The following ZNF554 variants were observed in gnomAD, a reference collection of about 807,000 sequenced individuals.
ZNF554 encodes zinc finger protein 554.
In ZNF554, 15 loss-of-function variants were observed where a neutral mutation model predicts 21.2. The observed-to-expected ratio is 0.71, with a 90% CI of 0.47 to 1.09. ZNF554 has a LOEUF of 1.09. Among genes scored for constraint, ZNF554 ranks in the 50% least tolerant of loss-of-function variants. ZNF554 has a pLI of 0.00. For synonymous variants in ZNF554, 258 were observed against 251.4 expected (o/e 1.03, Z -0.25); for missense variants, 691 against 662.7 (o/e 1.04, Z -0.47).
intron 3 of ZNF554, among the ~76,000 whole-genome samples, chr19:2,829,637 C>CA (rs1363179286): frequency 6.6e-6 from 1 of 151,526 alleles, no homozygotes; most frequent in Non-Finnish European, 1.5e-5. Flanking sequence ...AACTCCCTGT[C>CA]AAAAAAATAA....
rs1395194414 is a variant in ZNF554, at chr19:2,821,629, C to T, written c.54-1411C>T. 6.6e-6 allele frequency among the ~76,000 whole-genome samples: 1 copy of T among 151,890 alleles called. No individual in the cohort carries two copies. Among genetic ancestry groups the T allele is most frequent in the Non-Finnish European group, 1.5e-5 (1 of 68,030 alleles). On this transcript the variant is annotated intron_variant, in intron 1 of 4. Coordinates refer to ENST00000317243, the MANE Select transcript of ZNF554 (RefSeq NM_001102651.2). The surrounding 1 kb of genome is among the most constrained non-coding windows in gnomAD (Gnocchi z 8.2). ...TCACTCCAAGCTCTGCCTGCATCATCATGTGGCCTTCTTCCCTGTGTCTCT... is the reference window on the plus strand; with the variant it reads ...TCACTCCAAGCTCTGCCTGCATCATTATGTGGCCTTCTTCCCTGTGTCTCT...
At position 2,836,316 on chromosome 19, in the gene ZNF554, C is replaced by CGTG. The variant is rs1366310923; in HGVS notation, c.*1464_*1465insGTG. On this transcript the variant is annotated 3_prime_UTR_variant, in exon 5 of 5. Transcript: ENST00000317243. Reference sequence around the variant, plus strand: ...TGCTGGGATTACAGGTGTGAGCCACCCTGCTGGGATTATGGGTGCGAGCCG... The same window carrying CGTG: ...TGCTGGGATTACAGGTGTGAGCCACCGTGCTGCTGGGATTATGGGTGCGAGCCG... Among the ~76,000 whole-genome samples, 2 of 151,416 alleles carry CGTG rather than the reference C, an allele frequency of 1.3e-5. No homozygotes were observed. The highest frequency in any genetic ancestry group is 4.9e-5 in the African/African-American group (2 of 41,172).
chr19:2,835,028 G>T lies in ZNF554; in HGVS notation c.*176G>T, dbSNP rs1270385356. The T allele has an allele frequency of 1.1e-5, 7 of 626,978 alleles. No homozygotes were observed. Among genetic ancestry groups the T allele is most frequent in the Non-Finnish European group, 1.9e-5 (7 of 372,700 alleles). 38.8% of individuals were successfully genotyped at this position (626,978 alleles called of 1,614,324 possible). A position where few individuals can be genotyped will look rare whatever the true frequency, so the allele number is the denominator to read the frequency against. The stretch of plus-strand genomic sequence containing the variant: ...TGTATTTTGTTGTTGTTGTTGAGAT[G>T]GAGTCTGCCACCCAGGCTGGAGTCC... On this transcript the variant is annotated 3_prime_UTR_variant, in exon 5 of 5. Coordinates refer to ENST00000317243, the MANE Select transcript of ZNF554 (RefSeq NM_001102651.2).
rs1045031919 is a variant in ZNF554 at position 2,834,875 on chromosome 19, C to T, written c.*23C>T. 6.5e-7 allele frequency: 1 copy of T among 1,546,722 alleles called. No homozygotes were observed. Among genetic ancestry groups the T allele is most frequent in the African/African-American group, 1.4e-5 (1 of 72,932 alleles). ...TAGCAATTGCACGCTGCTTTGTAAG[C>T]CACTTTTTAGTACTCTGACACATAC... On this transcript the variant is annotated 3_prime_UTR_variant, in exon 5 of 5. Coordinates refer to ENST00000317243, the MANE Select transcript of ZNF554 (RefSeq NM_001102651.2).
Position 2,834,662 on chromosome 19 carries a change from G to A in ZNF554, c.1427G>A (p.Arg476Lys). 7 of 1,614,038 alleles carry A rather than the reference G, an allele frequency of 4.3e-6. No homozygotes were observed. Among genetic ancestry groups the A allele is most frequent in the Non-Finnish European group, 5.9e-6 (7 of 1,179,974 alleles). The change falls in exon 5 of 5, where the codon AGG becomes AAG. Residue 476 changes from arginine to lysine, a missense_variant. Coordinates refer to ENST00000317243, the MANE Select transcript of ZNF554 (RefSeq NM_001102651.2). ...CAGTGTGGGAGAGCCTTCAGCCAGA[G>A]GTCTTCCCTTGTGAGGCACGAGAGA... is the stretch of plus-strand genomic sequence containing the variant. ...CKQCGRAFSQRSSLVRHERTH... is the reference protein window; with the variant it reads ...CKQCGRAFSQKSSLVRHERTH...
chr19:2,823,956 T>C (rs2087295764), intron 2 of ZNF554, among the ~76,000 whole-genome samples: 1 of 152,014 alleles, frequency 6.6e-6, no homozygotes, highest in South Asian at 2.1e-4. Flanking sequence ...GGCCTGAAGG[T>C]GGGGCCTTAC....
chr19:2,820,035 C>T lies in ZNF554; in HGVS notation c.-37C>T. 4 of 1,200,106 alleles carry T rather than the reference C, an allele frequency of 3.3e-6. No individual in the cohort carries two copies. Among genetic ancestry groups the T allele is most frequent in the Non-Finnish European group, 4.1e-6 (4 of 967,184 alleles). The allele number at this position is 1,200,106 out of a possible 1,614,324, so 74.3% of individuals were successfully genotyped here. On this transcript the variant is annotated 5_prime_UTR_variant, in exon 1 of 5. Transcript: ENST00000317243. ...GCCGGCCTGCACGGGGCGCTCCCGC[C>T]TCGGGGGCCCTGTCTGGCGCCTCAG...
At chr19:2,828,028 G>C (rs911692403) in intron 3 of ZNF554, among the ~76,000 whole-genome samples, 2 of 152,094 alleles carry the variant, frequency 1.3e-5, no homozygotes, top group African/African-American at 4.8e-5. Context: ...ATTACCACGA[G>C]AACAGTATGG....
At chr19:2,829,919 A>G (rs974792566) in intron 3 of ZNF554, among the ~76,000 whole-genome samples, 1 of 151,724 alleles carries the variant, frequency 6.6e-6, no homozygotes, top group African/African-American at 2.4e-5. Context: ...CCTACCCTGG[A>G]CATTTCTTTT....
Position 2,835,344 on chromosome 19 carries a change from C to T in ZNF554, c.*492C>T, listed in dbSNP as rs1038083001. The T allele has an allele frequency of 2.3e-4, 35 of 155,458 alleles. No individual in the cohort carries two copies. The highest frequency in any genetic ancestry group is 4.8e-4 in the African/African-American group (20 of 41,336). 9.6% of individuals were successfully genotyped at this position (155,458 alleles called of 1,614,324 possible). ...AAAAGTAGCCGGGCGTGGTGGTGGG[C>T]GCCTGTAGTCCCAACTACTCAGGAG... On this transcript the variant is annotated 3_prime_UTR_variant, in exon 5 of 5. Transcript: ENST00000317243.
chr19:2,834,202 C>G lies in ZNF554; in HGVS notation c.967C>G (p.Pro323Ala). ...CAACAAAATCAACACGGCAGAGAAA[C>G]CCTTTGAGTGCCACCAGTGTGGGAA... ...IHNKINTAEK[P>A]FECHQCGKVF... The change falls in exon 5 of 5, where the codon CCC becomes GCC. Residue 323 changes from proline (P) to alanine (A), a missense_variant. Coordinates refer to ENST00000317243, the MANE Select transcript of ZNF554 (RefSeq NM_001102651.2). 1 of 1,614,000 alleles carries G rather than the reference C, an allele frequency of 6.2e-7. No homozygotes were observed. The highest frequency in any genetic ancestry group is 8.5e-7 in the Non-Finnish European group (1 of 1,180,042).
chr19:2,831,821 G>A (rs2087424504), intron 3 of ZNF554: 1 of 152,064 alleles, frequency 6.6e-6, no homozygotes, highest in Non-Finnish European at 1.5e-5. Flanking sequence ...GTCTTGTCAT[G>A]TTGCTCAGGC....
intron 1 of ZNF554, among the ~76,000 whole-genome samples, chr19:2,820,342 A>G (rs577827883): frequency 6.6e-6 from 1 of 152,298 alleles, no homozygotes; most frequent in African/African-American, 2.4e-5. Flanking sequence ...AGAGACGCAT[A>G]AGCTTTCCGA....
rs1481209102 is a variant in ZNF554 at position 2,821,830 on chromosome 19, AT to A, written c.54-1205del. Among the ~76,000 whole-genome samples the A allele has an allele frequency of 1.3e-5, 2 of 150,252 alleles. No homozygotes were observed. Among genetic ancestry groups the A allele is most frequent in the Non-Finnish European group, 3.0e-5 (2 of 67,490 alleles). ...AGGTGCACGCCACCACACCCAGCTA[AT>A]TTTTGTATTTTTAGTAGAGACGGGG... On this transcript the variant is annotated intron_variant, in intron 1 of 4. Coordinates refer to ENST00000317243, the MANE Select transcript of ZNF554 (RefSeq NM_001102651.2). The surrounding 1 kb of genome is among the most constrained non-coding windows in gnomAD (Gnocchi z 8.2).
In ZNF554 at chr19:2,825,076, G is replaced by A. The variant is rs573148622; in HGVS notation, c.126+1964G>A. ...TGCACAGGTTGGAGTGCAGTGGCGCGATCTTGGCTCACTGCAACCTCTGCC... is the reference window on the plus strand; with the variant it reads ...TGCACAGGTTGGAGTGCAGTGGCGCAATCTTGGCTCACTGCAACCTCTGCC... On this transcript the variant is annotated intron_variant, in intron 2 of 4. Coordinates refer to ENST00000317243, the MANE Select transcript of ZNF554 (RefSeq NM_001102651.2). Among the ~76,000 whole-genome samples, 162 of 142,774 alleles carry A rather than the reference G, an allele frequency of 1.1e-3. 1 individual carries two copies. Among genetic ancestry groups the A allele is most frequent in the African/African-American group, 2.5e-3 (98 of 38,730 alleles). The allele number at this position is 142,774 out of a possible 152,430, so 93.7% of individuals were successfully genotyped here.
At chr19:2,820,163 G>A (rs2087243383) in intron 1 of ZNF554, 39 bp downstream of exon 1, 8 of 1,217,000 alleles carry the variant, frequency 6.6e-6, no homozygotes, top group Non-Finnish European at 8.2e-6. Context: ...CCTCCGTGCC[G>A]GGCCTGCCGG....
rs1022500512 is a variant in ZNF554 at position 2,834,120 on chromosome 19, G to A, written c.885G>A (p.Met295Ile). 6.2e-7 allele frequency: 1 copy of A among 1,614,090 alleles called. No individual in the cohort carries two copies. The highest frequency in any genetic ancestry group is 8.5e-7 in the Non-Finnish European group (1 of 1,180,044). Residue 295 changes from methionine (M) to isoleucine (I), a missense_variant, in exon 5 of 5, where the codon ATG (methionine) becomes ATA (isoleucine). Physicochemically the swap from Met to Ile is conservative, Grantham distance 10 (BLOSUM62 1). Transcript: ENST00000317243. ...ACTTTATTCAACACGGGGGGAAGAT[G>A]TTTGTGTATTTGGAAAATGGGCAGT... ...NSHFIQHGGK[M>I]FVYLENGQSL...
chr19:2,820,612 C>G (rs1202174334), intron 1 of ZNF554, among the ~76,000 whole-genome samples: 1 of 151,942 alleles, frequency 6.6e-6, no homozygotes. Context: ...GCTCCAGTGT[C>G]CACAGCGCCC....
At chr19:2,826,722 C>T (rs548679162) in intron 2 of ZNF554, among the ~76,000 whole-genome samples, 1 of 149,478 alleles carries the variant, frequency 6.7e-6, no homozygotes, top group East Asian at 2.0e-4. Context: ...AGTGCAGTGG[C>T]GTGATCTCGG....
Sources: gnomAD v4.1 joint callset for allele counts (sites outside exome capture counted in the v4.1 genomes callset) on GRCh38, gnomAD v4.1.1 for gene constraint, Gnocchi (gnomAD v3.1) non-coding constraint, MANE v1.5 for transcripts, NCBI Gene and HGNC (gene_info 2026-07-23, HGNC 2026-07-21) for gene names.